CDH18: variants seen among roughly 807,000 people sequenced by gnomAD.
CDH18 encodes cadherin 18.
Under a neutral mutation model 67.9 loss-of-function variants are expected in CDH18, and 31 were observed. That is an observed-to-expected ratio of 0.46 (90% CI 0.34 to 0.62). CDH18 has a LOEUF of 0.62. Ranked by LOEUF, CDH18 falls within the 20% of genes least tolerant of loss-of-function variation. The pLI is 0.01. For synonymous variants in CDH18, 362 were observed against 347.2 expected (o/e 1.04, Z -0.48); for missense variants, 890 against 975.5 (o/e 0.91, Z 1.17).
At chr5:19,524,800 C>T (rs779012040) in intron 9 of CDH18, among the ~76,000 whole-genome samples, 24 of 152,224 alleles carry the variant, frequency 1.6e-4, no homozygotes, top group Non-Finnish European at 2.8e-4. Context: ...GGCTGGAGTG[C>T]AGTGGCGCGA....
At chr5:19,634,079 G>T (rs184104855) in intron 5 of CDH18, among the ~76,000 whole-genome samples, 38 of 152,266 alleles carry the variant, frequency 2.5e-4, no homozygotes, top group African/African-American at 9.1e-4. Flanking sequence ...AAATTCAAGA[G>T]AAATCCCTTT....
At chr5:20,461,497 T>G (rs370757947) in intron 1 of CDH18, among the ~76,000 whole-genome samples, 33 of 152,280 alleles carry the variant, frequency 2.2e-4, no homozygotes, top group African/African-American at 4.8e-5. Flanking sequence ...CACTTGGAGA[T>G]TCCCTCAAAC....
In CDH18 at chr5:20,320,110, G is replaced by A. The variant is rs919309239; in HGVS notation, c.-579-64605C>T. 5.9e-5 allele frequency among the ~76,000 whole-genome samples: 9 copies of A among 152,004 alleles called. No individual in the cohort carries two copies. In the East Asian group the frequency reaches 7.7e-4, roughly 13 times the overall value. ...CCTTTTGTGTTGCCATTGTAATTCC[G>A]TAGCATATTTTTGTATCTCTAGATA... On this transcript the variant is annotated intron_variant, in intron 1 of 14. Transcript: ENST00000507958.
Position 20,448,282 on chromosome 5 carries a change from CTT to C in CDH18, c.-580+127178_-580+127179del, listed in dbSNP as rs750043009. Among the ~76,000 whole-genome samples the C allele has an allele frequency of 9.4e-3, 1,360 of 144,882 alleles. 17 individuals carry two copies. The highest frequency in any genetic ancestry group is 0.032 in the African/African-American group (1,276 of 39,956). ...CCATAGTGTATATGTGCCACATTTTCTTTTTTTTTTTGAGATATCTTATTTTA... is the reference window on the plus strand; with the variant it reads ...CCATAGTGTATATGTGCCACATTTTCTTTTTTTTTGAGATATCTTATTTTA... On this transcript the variant is annotated intron_variant, in intron 1 of 14. Transcript: ENST00000507958.
chr5:19,734,862 G>C (rs1401025818), intron 4 of CDH18, among the ~76,000 whole-genome samples: 1 of 152,040 alleles, frequency 6.6e-6, no homozygotes. Flanking sequence ...ATGTCAAGGG[G>C]TGATATATCA....
At chr5:19,997,148 A>T (rs1425235203) in intron 2 of CDH18, among the ~76,000 whole-genome samples, 1 of 152,098 alleles carries the variant, frequency 6.6e-6, no homozygotes, top group African/African-American at 2.4e-5. Flanking sequence ...GTTTTAAATA[A>T]TAAAGACACC....
At chr5:20,123,133 A>G (rs1298906432) in intron 2 of CDH18, among the ~76,000 whole-genome samples, 1 of 151,482 alleles carries the variant, frequency 6.6e-6, no homozygotes, top group African/African-American at 2.4e-5. Context: ...TTTATTTTCC[A>G]AAATATATGG....
chr5:20,491,888 A>C (rs1753607317), intron 1 of CDH18, among the ~76,000 whole-genome samples: 1 of 152,222 alleles, frequency 6.6e-6, no homozygotes, highest in Non-Finnish European at 1.5e-5. Context: ...CAATTAAATT[A>C]TGGGCCTTTT....
At chr5:20,556,322 A>T (rs933391319) in intron 1 of CDH18, among the ~76,000 whole-genome samples, 2 of 152,156 alleles carry the variant, frequency 1.3e-5, no homozygotes, top group African/African-American at 4.8e-5. Flanking sequence ...TCTGCTTAGG[A>T]GACGAATGTG....
At chr5:20,540,109 C>T (rs1010835954) in intron 1 of CDH18, among the ~76,000 whole-genome samples, 2 of 152,014 alleles carry the variant, frequency 1.3e-5, no homozygotes, top group South Asian at 2.1e-4. Context: ...ATTGTTTTGA[C>T]TATATTATGT....
intron 2 of CDH18, among the ~76,000 whole-genome samples, chr5:19,881,271 C>A (rs1251327331): frequency 1.3e-5 from 2 of 152,074 alleles, no homozygotes; most frequent in African/African-American, 2.4e-5. Context: ...ACAAATATTT[C>A]TTTGTCTTAT....
chr5:20,282,729 A>G (rs563454181), intron 1 of CDH18, among the ~76,000 whole-genome samples: 1 of 152,302 alleles, frequency 6.6e-6, no homozygotes, highest in East Asian at 1.9e-4. Flanking sequence ...TGCTGGCCTC[A>G]TCAAATGAGT....
intron 2 of CDH18, among the ~76,000 whole-genome samples, chr5:20,204,387 G>C (rs2126323587): frequency 6.6e-6 from 1 of 151,840 alleles, no homozygotes; most frequent in East Asian, 1.9e-4. Flanking sequence ...CAAAAGTACT[G>C]TATTCAGCAA....
chr5:20,191,316 T>C, intron 2 of CDH18, among the ~76,000 whole-genome samples: 1 of 152,138 alleles, frequency 6.6e-6, no homozygotes, highest in East Asian at 1.9e-4. Flanking sequence ...GTAATCCTGC[T>C]TCTCCTTCAG....
intron 11 of CDH18, 72 bp from the exon 12 acceptor site, chr5:19,483,624 G>T: frequency 7.0e-7 from 1 of 1,430,870 alleles, no homozygotes; most frequent in Non-Finnish European, 9.5e-7. Flanking sequence ...TCCTTTAATG[G>T]ATAAAATGGG....
intron 2 of CDH18, among the ~76,000 whole-genome samples, chr5:20,251,944 T>C (rs895454460): frequency 6.6e-6 from 1 of 152,192 alleles, no homozygotes; most frequent in Non-Finnish European, 1.5e-5. Context: ...GTTAGGAAAC[T>C]ATATAGAATA....
intron 2 of CDH18, among the ~76,000 whole-genome samples, chr5:19,937,546 G>A (rs75229871): frequency 2.0e-5 from 3 of 151,266 alleles, no homozygotes; most frequent in African/African-American, 7.3e-5. Context: ...TATAGCAAAC[G>A]AATGCACACA....
chr5:19,972,318 A>T (rs1034748050), intron 2 of CDH18, among the ~76,000 whole-genome samples: 1 of 151,992 alleles, frequency 6.6e-6, no homozygotes, highest in Non-Finnish European at 1.5e-5. Context: ...CAAAACTATT[A>T]AAGTAAATCA....
chr5:20,534,778 C>G (rs1756617267), intron 1 of CDH18, among the ~76,000 whole-genome samples: 1 of 151,820 alleles, frequency 6.6e-6, no homozygotes, highest in South Asian at 2.1e-4. Flanking sequence ...AATTATTTAG[C>G]ACATCCTTGA....
Sources: allele counts gnomAD v4.1 joint callset (sites outside exome capture counted in the v4.1 genomes callset), GRCh38; gene constraint gnomAD v4.1.1; transcripts MANE v1.5; gene names NCBI Gene and HGNC (gene_info 2026-07-23, HGNC 2026-07-21).